CLYBL: variants seen among roughly 807,000 people sequenced by gnomAD.
CLYBL encodes the protein citramalyl-CoA lyase, also known as citramalyl-CoA lyase, mitochondrial.
CLYBL carries 31 observed loss-of-function variants against 38.9 expected under a neutral mutation model. The ratio of observed to expected loss-of-function variants is 0.80; its 90% CI spans 0.60 to 1.08. The LOEUF (loss-of-function observed/expected upper bound fraction) is 1.08, where lower values mean the gene tolerates loss of function less well. Among genes scored for constraint, CLYBL ranks in the 50% least tolerant of loss-of-function variants. CLYBL has a pLI of 0.00. For missense variants in CLYBL, 434 were observed against 411.6 expected, an observed-to-expected ratio of 1.05 and a Z score of -0.47; for synonymous variants, 171 against 158.6, an observed-to-expected ratio of 1.08 and a Z score of -0.59.
At chr13:99,835,395 C>T (rs1222541021) in intron 2 of CLYBL, among the ~76,000 whole-genome samples, 1 of 152,222 alleles carries the variant, frequency 6.6e-6, no homozygotes, top group East Asian at 1.9e-4. Flanking sequence ...ATCTGCATGG[C>T]TGATGCCGGC....
rs367621360 is a variant in CLYBL at position 99,675,968 on chromosome 13, C to T, written c.62+69211C>T. On this transcript the variant is annotated intron_variant, in intron 1 of 8. Coordinates refer to ENST00000339105, the MANE Select transcript of CLYBL (RefSeq NM_206808.5). ...TCCCGGGTTCAAGTTGTTCTTGTGC[C>T]TCAGCCCCCCAAGTAGCTGGGATCA... 5.9e-5 allele frequency among the ~76,000 whole-genome samples: 9 copies of T among 152,276 alleles called. 1 individual carries two copies. The South Asian group carries it at 1.9e-3, about 32-fold the overall frequency.
At chr13:99,887,850 A>G in intron 7 of CLYBL, among the ~76,000 whole-genome samples, 1 of 108,266 alleles carries the variant, frequency 9.2e-6, no homozygotes, top group African/African-American at 3.9e-5. Context: ...AGTTTCAGGG[A>G]TTTGGGGTTT....
At chr13:99,649,752 C>T (rs1408705403) in intron 1 of CLYBL, among the ~76,000 whole-genome samples, 1 of 152,042 alleles carries the variant, frequency 6.6e-6, no homozygotes, top group Non-Finnish European at 1.5e-5. Context: ...GTAGTCCCAG[C>T]TACTCAGGAG....
intron 2 of CLYBL, among the ~76,000 whole-genome samples, chr13:99,802,264 T>C (rs1008908989): frequency 3.3e-5 from 5 of 152,108 alleles, no homozygotes; most frequent in Admixed American, 2.6e-4. Flanking sequence ...AAGAAAGAAA[T>C]CATCCCCATC....
chr13:99,664,490 A>G (rs2047452251), intron 1 of CLYBL, among the ~76,000 whole-genome samples: 1 of 152,226 alleles, frequency 6.6e-6, no homozygotes, highest in Non-Finnish European at 1.5e-5. Flanking sequence ...CTATAAAAAT[A>G]TTAAATTGCT....
At chr13:99,843,886 G>A (rs1265556419) in intron 2 of CLYBL, among the ~76,000 whole-genome samples, 1 of 152,216 alleles carries the variant, frequency 6.6e-6, no homozygotes, top group Non-Finnish European at 1.5e-5. Flanking sequence ...ACAGGTGTGA[G>A]CCACCATGCC....
chr13:99,799,984 T>G (rs2050099360), intron 2 of CLYBL, among the ~76,000 whole-genome samples: 1 of 152,206 alleles, frequency 6.6e-6, no homozygotes, highest in African/African-American at 2.4e-5. Context: ...GGAAATGCCA[T>G]GATTAGGGAT....
At chr13:99,655,864 G>A (rs1438729538) in intron 1 of CLYBL, among the ~76,000 whole-genome samples, 2 of 152,172 alleles carry the variant, frequency 1.3e-5, no homozygotes, top group Non-Finnish European at 2.9e-5. Flanking sequence ...CCCAGTCATC[G>A]AGTTAATTAT....
intron 2 of CLYBL, among the ~76,000 whole-genome samples, chr13:99,827,325 G>A (rs575734487): frequency 6.6e-6 from 1 of 152,292 alleles, no homozygotes; most frequent in Admixed American, 6.5e-5. Flanking sequence ...AGCCCCTGAG[G>A]GGTGGGGAAA....
chr13:99,756,126 C>T (rs1263646531), intron 1 of CLYBL, among the ~76,000 whole-genome samples: 1 of 152,192 alleles, frequency 6.6e-6, no homozygotes, highest in Non-Finnish European at 1.5e-5. Context: ...CTCACCCCTG[C>T]ACTTCTACAA....
chr13:99,659,286 A>T (rs961374941), intron 1 of CLYBL, among the ~76,000 whole-genome samples: 7 of 152,112 alleles, frequency 4.6e-5, no homozygotes, highest in African/African-American at 1.7e-4. Context: ...AGTGCAATTT[A>T]AAAAACTGTA....
At chr13:99,782,477 C>A (rs1477037925) in intron 2 of CLYBL, among the ~76,000 whole-genome samples, 1 of 151,970 alleles carries the variant, frequency 6.6e-6, no homozygotes, top group Non-Finnish European at 1.5e-5. Context: ...TGCACTCCAG[C>A]CTGTGTGACA....
rs574960407 is a variant in CLYBL at position 99,813,522 on chromosome 13, A to G, written c.249+40512A>G. Among the ~76,000 whole-genome samples, 7 of 152,310 alleles carry G rather than the reference A, an allele frequency of 4.6e-5. No homozygotes were observed. The South Asian group carries it at 6.2e-4, about 14-fold the overall frequency. On this transcript the variant is annotated intron_variant, in intron 2 of 8. Transcript: ENST00000339105. The stretch of plus-strand genomic sequence containing the variant: ...GGGACAGTGTGCTGTAGTGACTAAC[A>G]GGATAGACTTTGGAGTCAGTCAAAC...
intron 1 of CLYBL, among the ~76,000 whole-genome samples, chr13:99,764,996 T>A (rs992232897): frequency 1.3e-5 from 2 of 152,148 alleles, no homozygotes; most frequent in Non-Finnish European, 2.9e-5. Context: ...ACCCTTGTAT[T>A]TATATTTAAT....
chr13:99,645,004 C>T (rs778067022), intron 1 of CLYBL, among the ~76,000 whole-genome samples: 1 of 152,196 alleles, frequency 6.6e-6, no homozygotes, highest in Non-Finnish European at 1.5e-5. Context: ...CTCTTCAATA[C>T]ACTGCCTTCC....
At chr13:99,897,976 A>G (rs2052602158), downstream of CLYBL, among the ~76,000 whole-genome samples, 1 of 151,916 alleles carries the variant, frequency 6.6e-6, no homozygotes, top group African/African-American at 2.4e-5. Context: ...AAAACTGGGC[A>G]GGTTCCCTGG....
intron 2 of CLYBL, among the ~76,000 whole-genome samples, chr13:99,810,520 A>G (rs906389290): frequency 6.6e-6 from 1 of 152,150 alleles, no homozygotes; most frequent in Non-Finnish European, 1.5e-5. Context: ...TGAGAAGCGA[A>G]GCTTGGCTGG....
At chr13:99,762,353 A>T (rs573165914) in intron 1 of CLYBL, among the ~76,000 whole-genome samples, 9 of 152,166 alleles carry the variant, frequency 5.9e-5, no homozygotes, top group African/African-American at 2.2e-4. Flanking sequence ...GTATGGTGAG[A>T]GATAGGGGTC....
intron 2 of CLYBL, among the ~76,000 whole-genome samples, chr13:99,801,470 T>C (rs117500781): frequency 0.016 from 2,403 of 152,026 alleles, 30 homozygotes; most frequent in Non-Finnish European, 0.025. Context: ...ATGTGACATC[T>C]GATAATTATT....
Sources: allele counts gnomAD v4.1 joint callset (sites outside exome capture counted in the v4.1 genomes callset), GRCh38; gene constraint gnomAD v4.1.1; transcripts MANE v1.5; gene names NCBI Gene and HGNC (gene_info 2026-07-23, HGNC 2026-07-21).